FGF12: variants seen among roughly 807,000 people sequenced by gnomAD.
The protein encoded by FGF12 is fibroblast growth factor 12, also known as fibroblast growth factor 12B.
Under a neutral mutation model 23.6 loss-of-function variants are expected in FGF12, and 14 were observed. The ratio of observed to expected loss-of-function variants is 0.59; its 90% CI spans 0.39 to 0.93. The LOEUF is 0.93. Among genes scored for constraint, FGF12 ranks in the 40% least tolerant of loss-of-function variants. The probability of loss-of-function intolerance (pLI) is 0.00; values close to 1 mark genes in which losing one functional copy is unlikely to be tolerated. For synonymous variants in FGF12, 62 were observed against 77.3 expected (o/e 0.80, Z 1.04); for missense variants, 175 against 217.8 (o/e 0.80, Z 1.24).
chr3:192,415,580 T>C lies in FGF12; in HGVS notation c.14-55042A>G, dbSNP rs149704740. Among the ~76,000 whole-genome samples the C allele has an allele frequency of 2.7e-3, 407 of 152,056 alleles. 1 individual carries two copies. Among genetic ancestry groups the C allele is most frequent in the African/African-American group, 9.5e-3 (394 of 41,516 alleles). ...CTCCACATTTCCAAAGTTGATTGTTTTGTTTTATCAACACTCCCTAAAATT... is the reference window on the plus strand; with the variant it reads ...CTCCACATTTCCAAAGTTGATTGTTCTGTTTTATCAACACTCCCTAAAATT... On this transcript the variant is annotated intron_variant, in intron 2 of 5. Coordinates refer to ENST00000445105, the MANE Select transcript of FGF12 (RefSeq NM_004113.6).
intron 2 of FGF12, among the ~76,000 whole-genome samples, chr3:192,701,621 G>A (rs1036072984): frequency 5.3e-5 from 8 of 152,070 alleles, no homozygotes; most frequent in African/African-American, 1.9e-4. Flanking sequence ...TCTGACTGTG[G>A]TATAGCGGCA....
At chr3:192,693,364 T>A (rs1450754074) in intron 2 of FGF12, among the ~76,000 whole-genome samples, 1 of 152,144 alleles carries the variant, frequency 6.6e-6, no homozygotes, top group African/African-American at 2.4e-5. Flanking sequence ...ATATACAGAT[T>A]CAACACAATC....
At chr3:192,691,311 A>G (rs943361950) in intron 2 of FGF12, among the ~76,000 whole-genome samples, 6 of 152,150 alleles carry the variant, frequency 3.9e-5, no homozygotes, top group Admixed American at 3.3e-4. Context: ...TGTAAATGCA[A>G]GAATATTGAA....
rs145453131 is a variant in FGF12 at position 192,223,616 on chromosome 3, G to A, written c.229-52960C>T. Among the ~76,000 whole-genome samples the A allele has an allele frequency of 1.2e-3, 187 of 151,962 alleles. 2 individuals carry two copies. The highest frequency in any genetic ancestry group is 4.0e-3 in the African/African-American group (167 of 41,446). The stretch of plus-strand genomic sequence containing the variant: ...CTATGGTTCTGGCAAAATTATTCAC[G>A]GTATCTCATTTCACTTGAAAATTAT... On this transcript the variant is annotated intron_variant, in intron 4 of 5. Coordinates refer to ENST00000445105, the MANE Select transcript of FGF12 (RefSeq NM_004113.6).
At chr3:192,308,800 G>A (rs1417781653) in intron 4 of FGF12, among the ~76,000 whole-genome samples, 3 of 152,074 alleles carry the variant, frequency 2.0e-5, no homozygotes, top group Non-Finnish European at 2.9e-5. Context: ...CATTGGGTAG[G>A]GGAAAGATTA....
intron 4 of FGF12, among the ~76,000 whole-genome samples, chr3:192,195,980 T>A (rs546407179): frequency 6.6e-6 from 1 of 152,188 alleles, no homozygotes; most frequent in African/African-American, 2.4e-5. Flanking sequence ...CTAACTGTAT[T>A]ACATACACTT....
chr3:192,312,303 C>T (rs1715990218), intron 4 of FGF12, among the ~76,000 whole-genome samples: 1 of 151,940 alleles, frequency 6.6e-6, no homozygotes, highest in African/African-American at 2.4e-5. Context: ...GCTCTAAAAG[C>T]CATAGGTTTT....
chr3:192,462,584 C>T (rs1244358159), intron 2 of FGF12, among the ~76,000 whole-genome samples: 4 of 152,062 alleles, frequency 2.6e-5, no homozygotes. Flanking sequence ...TTATAAATTA[C>T]CTGGTTTTAG....
intron 4 of FGF12, among the ~76,000 whole-genome samples, chr3:192,265,968 G>A (rs979155895): frequency 1.3e-5 from 2 of 152,116 alleles, no homozygotes; most frequent in African/African-American, 2.4e-5. Context: ...TGGGGATAAA[G>A]AACTGGCTCA....
At chr3:192,554,701 C>A (rs1293934208) in intron 2 of FGF12, among the ~76,000 whole-genome samples, 1 of 151,442 alleles carries the variant, frequency 6.6e-6, no homozygotes, top group Non-Finnish European at 1.5e-5. Flanking sequence ...CAAAATAAAT[C>A]TCCAGAAACT....
At chr3:192,597,040 T>C (rs1713886492) in intron 2 of FGF12, among the ~76,000 whole-genome samples, 2 of 152,302 alleles carry the variant, frequency 1.3e-5, no homozygotes, top group Admixed American at 6.5e-5. Context: ...ATAAAGTATA[T>C]GTATATGTTA....
chr3:192,657,522 C>T (rs1457746661), intron 2 of FGF12, among the ~76,000 whole-genome samples: 2 of 151,746 alleles, frequency 1.3e-5, no homozygotes, highest in Non-Finnish European at 2.9e-5. Context: ...GGAAGAAGAG[C>T]TGAGACTATA....
intron 2 of FGF12, among the ~76,000 whole-genome samples, chr3:192,375,230 A>C (rs1429457352): frequency 6.6e-6 from 1 of 151,978 alleles, no homozygotes; most frequent in South Asian, 2.1e-4. Context: ...TTTAACTTTA[A>C]TTTTCTGATT....
intron 5 of FGF12, among the ~76,000 whole-genome samples, chr3:192,157,710 C>G (rs1422675192): frequency 6.6e-6 from 1 of 152,072 alleles, no homozygotes; most frequent in Non-Finnish European, 1.5e-5. Flanking sequence ...CAAAGACTTT[C>G]TTAAAAGTAT....
intron 2 of FGF12, among the ~76,000 whole-genome samples, chr3:192,506,250 A>C (rs1724290917): frequency 6.6e-6 from 1 of 152,248 alleles, no homozygotes; most frequent in Admixed American, 6.5e-5. Flanking sequence ...CATTTGGTGG[A>C]GCTGTAATTG....
intron 2 of FGF12, among the ~76,000 whole-genome samples, chr3:192,689,044 T>C (rs888198803): frequency 1.4e-4 from 21 of 152,286 alleles, no homozygotes; most frequent in African/African-American, 4.8e-4. Context: ...ATGTCCAGGA[T>C]GTAGAGAGTA....
At chr3:192,349,785 G>A (rs925164932) in intron 3 of FGF12, among the ~76,000 whole-genome samples, 1 of 152,004 alleles carries the variant, frequency 6.6e-6, no homozygotes, top group Non-Finnish European at 1.5e-5. Flanking sequence ...AAGACAAAAT[G>A]CAAGCATGGT....
chr3:192,440,386 A>AAAGACAC (rs1722169068), intron 2 of FGF12, among the ~76,000 whole-genome samples: 1 of 152,160 alleles, frequency 6.6e-6, no homozygotes, highest in African/African-American at 2.4e-5. Context: ...AGCTCAGGTG[A>AAAGACAC]AAGACACAAG....
At chr3:192,313,938 G>T (rs1436041246) in intron 4 of FGF12, among the ~76,000 whole-genome samples, 1 of 152,172 alleles carries the variant, frequency 6.6e-6, no homozygotes, top group Non-Finnish European at 1.5e-5. Context: ...GCAATCTGGA[G>T]GTGGAGACTT....
Sources: allele counts gnomAD v4.1 joint callset (sites outside exome capture counted in the v4.1 genomes callset), GRCh38; gene constraint gnomAD v4.1.1; transcripts MANE v1.5; gene names NCBI Gene and HGNC (gene_info 2026-07-23, HGNC 2026-07-21).